KLHL14: variants seen among roughly 807,000 people sequenced by gnomAD.
KLHL14 encodes kelch-like protein 14.
In KLHL14, 22 loss-of-function variants were observed where a neutral mutation model predicts 64.3. That is an observed-to-expected ratio of 0.34 (90% CI 0.24 to 0.49). The LOEUF (loss-of-function observed/expected upper bound fraction) is 0.49. Ranked by LOEUF, KLHL14 falls within the 20% of genes least tolerant of loss-of-function variation. The pLI is 0.99. For synonymous variants in KLHL14, 322 were observed against 333.4 expected (o/e 0.97, Z 0.37); for missense variants, 661 against 789.0 (o/e 0.84, Z 1.94).
At chr18:32,708,071 G>A (rs1031922162) in intron 3 of KLHL14, among the ~76,000 whole-genome samples, 6 of 152,114 alleles carry the variant, frequency 3.9e-5, no homozygotes, top group Non-Finnish European at 5.9e-5. Flanking sequence ...GAAAATCGGT[G>A]GCTGAAAAAA....
chr18:32,750,127 C>T (rs2050244111), intron 2 of KLHL14, among the ~76,000 whole-genome samples: 1 of 151,804 alleles, frequency 6.6e-6, no homozygotes, highest in African/African-American at 2.4e-5. Context: ...ACCATCATGA[C>T]CTAATTACCT....
At chr18:32,772,216 G>C (rs2050393171) in intron 1 of KLHL14, 1 of 395,630 alleles carries the variant, frequency 2.5e-6, no homozygotes, top group South Asian at 1.8e-5. Flanking sequence ...GCCTGGCGCC[G>C]GTCCTGGATC....
At chr18:32,766,259 A>G (rs2050343527) in intron 2 of KLHL14, among the ~76,000 whole-genome samples, 1 of 152,112 alleles carries the variant, frequency 6.6e-6, no homozygotes, top group African/African-American at 2.4e-5. Context: ...TAATTGCTAA[A>G]TTATACATTA....
At position 32,770,224 on chromosome 18, in the gene KLHL14, T is replaced by C; in HGVS notation, c.368A>G (p.Asn123Ser). Residue 123 changes from asparagine to serine, a missense_variant, in exon 2 of 9, where the codon AAC (asparagine) becomes AGC (serine). Transcript: ENST00000359358. This position sits in a 1 kb window ranked among gnomAD's most constrained non-coding sequence, Gnocchi z 6.7. ...CGAGCAGCCCTGCAGCACCAGGTTG[T>C]TGATGGCCCGGGGGCTGGTCAGCAG... ...DKLLTSPRAI[N>S]NLVLQGCSSI... is the part of the protein sequence containing the mutation. 2 of 1,607,860 alleles carry C rather than the reference T, an allele frequency of 1.2e-6. No homozygotes were observed. The highest frequency in any genetic ancestry group is 8.5e-7 in the Non-Finnish European group (1 of 1,175,598).
chr18:32,687,056 T>C lies in KLHL14; in HGVS notation c.1238+99A>G. 10 of 963,366 alleles carry C rather than the reference T, an allele frequency of 1.0e-5. No homozygotes were observed. The South Asian group carries it at 1.4e-4, about 13-fold the overall frequency. The allele number at this position is 963,366 out of a possible 1,614,324, so 59.7% of individuals were successfully genotyped here. On this transcript the variant is annotated intron_variant, in intron 5 of 8. Transcript: ENST00000359358. ...CTATTTTGCCTCATATGTCTTTCAT[T>C]GACTCTATTTAGCATTCCTTCTTAC...
Position 32,675,729 on chromosome 18 carries a change from G to T in KLHL14, c.1747-932C>A, listed in dbSNP as rs2049808266. On this transcript the variant is annotated intron_variant, in intron 8 of 8. Transcript: ENST00000359358. ...TGTTTATCATAGGAAAAAAACGAAA[G>T]ACCCAACCAACCTAATAATTATTTT... Among the ~76,000 whole-genome samples, 3 of 152,076 alleles carry T rather than the reference G, an allele frequency of 2.0e-5. No homozygotes were observed. The South Asian group carries it at 6.2e-4, about 31-fold the overall frequency.
intron 3 of KLHL14, among the ~76,000 whole-genome samples, chr18:32,739,006 C>A (rs889091878): frequency 3.9e-5 from 6 of 152,062 alleles, no homozygotes; most frequent in African/African-American, 1.4e-4. Context: ...CTAAGAGGAG[C>A]ATGTCTGTGA....
At chr18:32,722,951 T>G (rs1444039141) in intron 3 of KLHL14, among the ~76,000 whole-genome samples, 1 of 152,092 alleles carries the variant, frequency 6.6e-6, no homozygotes, top group Non-Finnish European at 1.5e-5. Flanking sequence ...TGACACCATG[T>G]CTTTAAAAAT....
chr18:32,722,814 G>A (rs2050086337), intron 3 of KLHL14, among the ~76,000 whole-genome samples: 1 of 152,112 alleles, frequency 6.6e-6, no homozygotes, highest in Non-Finnish European at 1.5e-5. Flanking sequence ...AATTAGCCAG[G>A]CGTGATGGCA....
chr18:32,737,116 A>G (rs1028976213), intron 3 of KLHL14, among the ~76,000 whole-genome samples: 2 of 152,086 alleles, frequency 1.3e-5, no homozygotes, highest in South Asian at 2.1e-4. Flanking sequence ...TGTTTTCTGA[A>G]GTTCTCCTGC....
chr18:32,689,744 G>A (rs2049897880), intron 4 of KLHL14, among the ~76,000 whole-genome samples: 1 of 152,142 alleles, frequency 6.6e-6, no homozygotes, highest in South Asian at 2.1e-4. Flanking sequence ...ACAATAATGG[G>A]GGAAGACAGA....
chr18:32,694,932 A>G (rs1598552053), intron 4 of KLHL14, among the ~76,000 whole-genome samples: 3 of 152,216 alleles, frequency 2.0e-5, no homozygotes, highest in Admixed American at 2.0e-4. Context: ...AATCACATCT[A>G]CGGGGAGGAT....
At chr18:32,752,806 C>T (rs1377101539) in intron 2 of KLHL14, among the ~76,000 whole-genome samples, 4 of 113,974 alleles carry the variant, frequency 3.5e-5, no homozygotes, top group South Asian at 2.7e-4. Flanking sequence ...TTTTTTGAGA[C>T]GGAGTCTCGC....
chr18:32,771,091 C>T, intron 1 of KLHL14: 1 of 227,086 alleles, frequency 4.4e-6, no homozygotes, highest in Non-Finnish European at 9.5e-6. Flanking sequence ...CAGAGGCGAC[C>T]GACGGCGAAG....
intron 4 of KLHL14, among the ~76,000 whole-genome samples, chr18:32,691,217 C>T (rs1357863269): frequency 6.6e-6 from 1 of 152,162 alleles, no homozygotes; most frequent in African/African-American, 2.4e-5. Flanking sequence ...CTGCCTCCTC[C>T]TGGCAATGGG....
At chr18:32,767,958 T>C (rs917953649) in intron 2 of KLHL14, among the ~76,000 whole-genome samples, 6 of 152,230 alleles carry the variant, frequency 3.9e-5, no homozygotes, top group Admixed American at 1.3e-4. Context: ...GTGTGATATA[T>C]GCTAAATGAA....
chr18:32,751,543 G>A (rs576125177), intron 2 of KLHL14, among the ~76,000 whole-genome samples: 36 of 152,260 alleles, frequency 2.4e-4, no homozygotes, highest in African/African-American at 6.7e-4. Flanking sequence ...CAACTCTTCT[G>A]TGGCTCTCAG....
intron 1 of KLHL14, chr18:32,771,933 G>A (rs995183872): frequency 3.6e-4 from 58 of 162,024 alleles, no homozygotes; most frequent in African/African-American, 1.3e-3. Context: ...CCACTTCCCC[G>A]GCCCTGGAAC....
intron 2 of KLHL14, among the ~76,000 whole-genome samples, chr18:32,742,464 A>G (rs1433561099): frequency 6.6e-6 from 1 of 152,208 alleles, no homozygotes; most frequent in Non-Finnish European, 1.5e-5. Context: ...AGAACCTTGA[A>G]AAAATTAAGG....
Sources: allele counts gnomAD v4.1 joint callset (sites outside exome capture counted in the v4.1 genomes callset), GRCh38; gene constraint gnomAD v4.1.1; non-coding constraint Gnocchi (gnomAD v3.1); transcripts MANE v1.5; gene names NCBI Gene and HGNC (gene_info 2026-07-23, HGNC 2026-07-21).